PCDHGC3: variants seen among roughly 807,000 people sequenced by gnomAD.
PCDHGC3 encodes protocadherin gamma subfamily C, 3, also known as protocadherin gamma-C3.
A neutral mutation model predicts 59.2 loss-of-function variants in PCDHGC3; 26 were observed. That is an observed-to-expected ratio of 0.44 (90% CI 0.32 to 0.61). The LOEUF is 0.61. PCDHGC3 is among the 20% of genes least tolerant of loss of function. PCDHGC3 has a pLI of 0.05. For synonymous variants in PCDHGC3, 487 were observed against 519.7 expected (o/e 0.94, Z 0.86); for missense variants, 1,080 against 1,221.8 (o/e 0.88, Z 1.73).
At chr5:141,504,671 G>C (rs1459848730) in intron 2 of PCDHGC3, among the ~76,000 whole-genome samples, 1 of 111,068 alleles carries the variant, frequency 9.0e-6, no homozygotes, top group East Asian at 3.2e-4. Context: ...GGGGGGTGGG[G>C]GTTCTTGTAA....
At position 141,487,667 on chromosome 5, in the gene PCDHGC3, ATATGGCTAGGCCATG is replaced by A; in HGVS notation, c.2431-7138_2431-7124del. 1.9e-6 allele frequency: 3 copies of A among 1,612,782 alleles called. No individual in the cohort carries two copies. In the South Asian group the frequency reaches 3.3e-5, roughly 18 times the overall value. ...GCTTGAGGGTTATTCTGATCCAGGC[ATATGGCTAGGCCATG>A]TCCTAGAGAGTACTGGCCTCTCAGT... On this transcript the variant is annotated intron_variant, in intron 1 of 3. Transcript: ENST00000308177. The surrounding 1 kb of genome is among the most constrained non-coding windows in gnomAD (Gnocchi z 5.0).
chr5:141,487,135 A>G lies in PCDHGC3; in HGVS notation c.2431-7672A>G. 6.2e-7 allele frequency: 1 copy of G among 1,613,544 alleles called. No individual in the cohort carries two copies. The highest frequency in any genetic ancestry group is 8.5e-7 in the Non-Finnish European group (1 of 1,179,856). ...TGGTAAAGGATAGTGGTAGTCCACC[A>G]CTCTCTACCTCTGTTACTCTCTTAG... On this transcript the variant is annotated intron_variant, in intron 1 of 3. Transcript: ENST00000308177. The surrounding 1 kb of genome is among the most constrained non-coding windows in gnomAD (Gnocchi z 5.0).
intron 2 of PCDHGC3, among the ~76,000 whole-genome samples, chr5:141,500,125 T>C (rs1367341826): frequency 2.0e-5 from 3 of 151,970 alleles, no homozygotes; most frequent in African/African-American, 4.8e-5. Flanking sequence ...CCTTTTCATA[T>C]ATATCTTTCT....
chr5:141,478,188 C>T lies in PCDHGC3; in HGVS notation c.2072C>T (p.Thr691Ile), dbSNP rs770414950. The T allele has an allele frequency of 4.3e-6, 7 of 1,613,920 alleles. No homozygotes were observed. The highest frequency in any genetic ancestry group is 5.9e-6 in the Non-Finnish European group (7 of 1,180,044). Residue 691 changes from threonine (T) to isoleucine (I), a missense_variant, in exon 1 of 4, where the codon ACC becomes ATC. By Grantham distance (89) the Thr-to-Ile change is moderately conservative. Coordinates refer to ENST00000308177, the MANE Select transcript of PCDHGC3 (RefSeq NM_002588.4). ...CCCCGGGAGCAGAAAAAAAATCTCACCTTTTATCTACTTCTTTCTCTAATC... is the reference window on the plus strand; with the variant it reads ...CCCCGGGAGCAGAAAAAAAATCTCATCTTTTATCTACTTCTTTCTCTAATC... ...SAPREQKKNL[T>I]FYLLLSLILV... is the part of the protein sequence containing the mutation.
intron 1 of PCDHGC3, among the ~76,000 whole-genome samples, chr5:141,479,979 T>C (rs67253891): frequency 0.061 from 9,352 of 152,266 alleles, 334 homozygotes; most frequent in South Asian, 0.12. Context: ...GTTCTACCAT[T>C]TACCAACTAG....
rs771884610 is a variant in PCDHGC3, at chr5:141,491,436, G to T, written c.2431-3371G>T. 1 of 1,614,070 alleles carries T rather than the reference G, an allele frequency of 6.2e-7. No individual in the cohort carries two copies. ...ACGGGGGTGGAGGGCAGTGCTGCAGGCGCCAGGACTCACCCTCCCCGGACT... is the reference window on the plus strand; with the variant it reads ...ACGGGGGTGGAGGGCAGTGCTGCAGTCGCCAGGACTCACCCTCCCCGGACT... On this transcript the variant is annotated intron_variant, in intron 1 of 3. Coordinates refer to ENST00000308177, the MANE Select transcript of PCDHGC3 (RefSeq NM_002588.4). The surrounding 1 kb of genome is among the most constrained non-coding windows in gnomAD (Gnocchi z 6.9).
At position 141,487,915 on chromosome 5, in the gene PCDHGC3, G is replaced by T; in HGVS notation, c.2431-6892G>T. The T allele has an allele frequency of 1.5e-6, 1 of 655,128 alleles. No homozygotes were observed. Among genetic ancestry groups the T allele is most frequent in the Middle Eastern group, 3.5e-4 (1 of 2,862 alleles). The allele number at this position is 655,128 out of a possible 1,614,324, so 40.6% of individuals were successfully genotyped here. ...GATGATGGAATGTGGGAGCACAGGA[G>T]GCTACAGTGCACAGGGTACAGTGCA... On this transcript the variant is annotated intron_variant, in intron 1 of 3. Coordinates refer to ENST00000308177, the MANE Select transcript of PCDHGC3 (RefSeq NM_002588.4). This position sits in a 1 kb window ranked among gnomAD's most constrained non-coding sequence, Gnocchi z 5.0.
At position 141,487,543 on chromosome 5, in the gene PCDHGC3, A is replaced by G. The variant is rs2099649285; in HGVS notation, c.2431-7264A>G. On this transcript the variant is annotated intron_variant, in intron 1 of 3. Coordinates refer to ENST00000308177, the MANE Select transcript of PCDHGC3 (RefSeq NM_002588.4). This position sits in a 1 kb window ranked among gnomAD's most constrained non-coding sequence, Gnocchi z 5.0. ...GTGATAGCTTCATGATGGTGAAGTC[A>G]CCCAGTGCACCTATGGCAGGGGAGC... is the stretch of plus-strand genomic sequence containing the variant. The G allele has an allele frequency of 3.7e-6, 6 of 1,614,114 alleles. No homozygotes were observed. In the South Asian group the frequency reaches 5.5e-5, roughly 15 times the overall value.
rs750109717 is a variant in PCDHGC3, at chr5:141,490,546, A to C, written c.2431-4261A>C. 1.9e-6 allele frequency: 3 copies of C among 1,614,110 alleles called. No individual in the cohort carries two copies. Among genetic ancestry groups the C allele is most frequent in the Non-Finnish European group, 2.5e-6 (3 of 1,180,036 alleles). On this transcript the variant is annotated intron_variant, in intron 1 of 3. Transcript: ENST00000308177. The surrounding 1 kb of genome is among the most constrained non-coding windows in gnomAD (Gnocchi z 5.4). ...CGATGCTGGTTCACCTTCCCTACAC[A>C]AACATCTCACCATCAGGCTCAACAT...
At position 141,477,217 on chromosome 5, in the gene PCDHGC3, G is replaced by T. The variant is rs745497348; in HGVS notation, c.1101G>T (p.Leu367=). Residue 367 remains leucine, a synonymous_variant, in exon 1 of 4, where the codon CTG becomes CTT. Transcript: ENST00000308177. This position sits in a 1 kb window ranked among gnomAD's most constrained non-coding sequence, Gnocchi z 4.9. ...GCCCAGTACCCGAGGATGCCCCTCTGGGGACTGTCATCGCTTTGCTCAGTG... is the reference window on the plus strand; with the variant it reads ...GCCCAGTACCCGAGGATGCCCCTCTTGGGACTGTCATCGCTTTGCTCAGTG... ...VYSPVPEDAP[L]GTVIALLSVT... The T allele has an allele frequency of 8.1e-6, 13 of 1,614,178 alleles. No homozygotes were observed. The African/African-American group carries it at 1.7e-4, about 22-fold the overall frequency.
At chr5:141,504,502 G>A (rs2099838821) in intron 2 of PCDHGC3, among the ~76,000 whole-genome samples, 1 of 152,128 alleles carries the variant, frequency 6.6e-6, no homozygotes, top group Non-Finnish European at 1.5e-5. Context: ...CCCAGTCTGA[G>A]TGGATCTCCT....
chr5:141,491,705 G>A lies in PCDHGC3; in HGVS notation c.2431-3102G>A. ...ACGCTGCGGGAGCGGAGCCAGGTGA[G>A]GGGCTCGGCGCCGCCCCGGGCGACC... is the stretch of plus-strand genomic sequence containing the variant. On this transcript the variant is annotated intron_variant, in intron 1 of 3. Transcript: ENST00000308177. The surrounding 1 kb of genome is among the most constrained non-coding windows in gnomAD (Gnocchi z 6.9). 1 of 1,611,064 alleles carries A rather than the reference G, an allele frequency of 6.2e-7. No homozygotes were observed. Among genetic ancestry groups the A allele is most frequent in the South Asian group, 1.1e-5 (1 of 90,828 alleles).
In PCDHGC3 at chr5:141,503,604, A is replaced by G. The variant is rs189211439; in HGVS notation, c.2490-1789A>G. 5.2e-3 allele frequency among the ~76,000 whole-genome samples: 793 copies of G among 151,946 alleles called. 3 individuals carry two copies. The highest frequency in any genetic ancestry group is 8.3e-3 in the Non-Finnish European group (566 of 67,924). On this transcript the variant is annotated intron_variant, in intron 2 of 3. Coordinates refer to ENST00000308177, the MANE Select transcript of PCDHGC3 (RefSeq NM_002588.4). ...ACAGAGCGAGACTCCAGCTCAAAAA[A>G]AAAAAAAAAAGAAAAAAGAAAAGAA...
intron 2 of PCDHGC3, among the ~76,000 whole-genome samples, chr5:141,497,879 G>A (rs62379207): frequency 4.6e-4 from 70 of 152,244 alleles, no homozygotes; most frequent in Non-Finnish European, 8.2e-4. Flanking sequence ...TGAAATAAGC[G>A]TTAGGATCTA....
At chr5:141,502,472 A>T (rs1450967250) in intron 2 of PCDHGC3, among the ~76,000 whole-genome samples, 1 of 150,886 alleles carries the variant, frequency 6.6e-6, no homozygotes, top group Non-Finnish European at 1.5e-5. Flanking sequence ...TACTTCCCGC[A>T]GCATCACACT....
At chr5:141,484,468 C>T (rs2099596877) in intron 1 of PCDHGC3, among the ~76,000 whole-genome samples, 1 of 152,200 alleles carries the variant, frequency 6.6e-6, no homozygotes, top group South Asian at 2.1e-4. Context: ...ATGTGTAAGC[C>T]TTTTCTGCAA....
chr5:141,503,781 G>A (rs1393561411), intron 2 of PCDHGC3, among the ~76,000 whole-genome samples: 1 of 152,110 alleles, frequency 6.6e-6, no homozygotes, highest in East Asian at 1.9e-4. Flanking sequence ...TTCTTAGGCT[G>A]AGTTCATCTA....
In PCDHGC3 at chr5:141,486,675, A is replaced by T; in HGVS notation, c.2430+8129A>T. On this transcript the variant is annotated intron_variant, in intron 1 of 3. Coordinates refer to ENST00000308177, the MANE Select transcript of PCDHGC3 (RefSeq NM_002588.4). The surrounding 1 kb of genome is among the most constrained non-coding windows in gnomAD (Gnocchi z 5.0). ...TCACTCCTGGAGCCCAGGAATCGAGATGTATCAGCTTCCTCTTTCATCTCT... is the reference window on the plus strand; with the variant it reads ...TCACTCCTGGAGCCCAGGAATCGAGTTGTATCAGCTTCCTCTTTCATCTCT... The T allele has an allele frequency of 6.2e-7, 1 of 1,614,056 alleles. No individual in the cohort carries two copies. The highest frequency in any genetic ancestry group is 8.5e-7 in the Non-Finnish European group (1 of 1,180,016).
At position 141,485,343 on chromosome 5, in the gene PCDHGC3, A is replaced by G; in HGVS notation, c.2430+6797A>G. ...GCTCAAGATTTCCTGCTGGATACGG[A>G]CAGTCTGTCAGCTCGCAGGCTGCAG... On this transcript the variant is annotated intron_variant, in intron 1 of 3. Transcript: ENST00000308177. This position sits in a 1 kb window ranked among gnomAD's most constrained non-coding sequence, Gnocchi z 5.7. 1 of 1,614,062 alleles carries G rather than the reference A, an allele frequency of 6.2e-7. No homozygotes were observed. Among genetic ancestry groups the G allele is most frequent in the Non-Finnish European group, 8.5e-7 (1 of 1,179,984 alleles).
Sources: gnomAD v4.1 joint callset for allele counts (sites outside exome capture counted in the v4.1 genomes callset) on GRCh38, gnomAD v4.1.1 for gene constraint, Gnocchi (gnomAD v3.1) non-coding constraint, MANE v1.5 for transcripts, NCBI Gene and HGNC (gene_info 2026-07-23, HGNC 2026-07-21) for gene names.